The following DOCK9 variants were observed in gnomAD, a reference collection of about 807,000 sequenced individuals.
The protein encoded by DOCK9 is dedicator of cytokinesis 9, also known as dedicator of cytokinesis protein 9.
In DOCK9, 89 loss-of-function variants were observed where a neutral mutation model predicts 263.3. That is an observed-to-expected ratio of 0.34 (90% confidence interval 0.28 to 0.40). DOCK9 has a LOEUF of 0.40. DOCK9 is among the 10% of genes least tolerant of loss of function. The pLI is 1.00. For missense variants in DOCK9, 2,140 were observed against 2,603.4 expected, an observed-to-expected ratio of 0.82 and a Z score of 3.87; for synonymous variants, 976 against 973.1, an observed-to-expected ratio of 1.00 and a Z score of -0.06.
chr13:98,803,506 G>A (rs1420037493), intron 49 of DOCK9, among the ~76,000 whole-genome samples: 1 of 152,220 alleles, frequency 6.6e-6, no homozygotes, highest in African/African-American at 2.4e-5. Context: ...TGATCCAGCA[G>A]TTTCGGAGGT....
In DOCK9 at chr13:98,825,707, C is replaced by A. The variant is rs1196276045; in HGVS notation, c.5023+1123G>T. ...CAAAAATGGTGGCCAAGGTGCTTTCCTCTTGTGCCCACAGGAATAGACCAG... is the reference window on the plus strand; with the variant it reads ...CAAAAATGGTGGCCAAGGTGCTTTCATCTTGTGCCCACAGGAATAGACCAG... On this transcript the variant is annotated intron_variant, in intron 44 of 52. Coordinates refer to ENST00000682017, the MANE Select transcript of DOCK9 (RefSeq NM_001366683.2). The surrounding 1 kb of genome is among the most constrained non-coding windows in gnomAD (Gnocchi z 4.1). 2.1e-5 allele frequency among the ~76,000 whole-genome samples: 3 copies of A among 143,726 alleles called. No individual in the cohort carries two copies. The highest frequency in any genetic ancestry group is 4.7e-5 in the Non-Finnish European group (3 of 64,036). The allele number at this position is 143,726 out of a possible 152,430, so 94.3% of individuals were successfully genotyped here.
chr13:98,946,003 A>C (rs1233796312), intron 2 of DOCK9, among the ~76,000 whole-genome samples: 2 of 152,152 alleles, frequency 1.3e-5, no homozygotes, highest in African/African-American at 2.4e-5. Context: ...CCAGGTAAAG[A>C]ATTTCCAGGG....
chr13:99,040,750 G>T (rs1021724829), intron 1 of DOCK9, among the ~76,000 whole-genome samples: 1 of 152,100 alleles, frequency 6.6e-6, no homozygotes, highest in African/African-American at 2.4e-5. Flanking sequence ...AGGAGGGAGG[G>T]AGGACACAAA....
At chr13:99,058,236 C>A (rs1273808551) in intron 1 of DOCK9, among the ~76,000 whole-genome samples, 3 of 151,348 alleles carry the variant, frequency 2.0e-5, no homozygotes, top group Admixed American at 6.6e-5. Flanking sequence ...ACCATCTCAG[C>A]TCACTGCAAC....
At chr13:99,026,071 C>A (rs1886667801) in intron 1 of DOCK9, among the ~76,000 whole-genome samples, 1 of 42,012 alleles carries the variant, frequency 2.4e-5, no homozygotes. Context: ...AGCGAGACTC[C>A]GTCTCAAAAA....
intron 1 of DOCK9, among the ~76,000 whole-genome samples, chr13:99,012,070 C>A (rs1884582064): frequency 6.6e-6 from 1 of 152,182 alleles, no homozygotes; most frequent in South Asian, 2.1e-4. Context: ...CCCGCCTTAG[C>A]CTCCCAAAGT....
intron 1 of DOCK9, among the ~76,000 whole-genome samples, chr13:99,035,415 C>T (rs1362907870): frequency 6.6e-6 from 1 of 152,224 alleles, no homozygotes; most frequent in East Asian, 1.9e-4. Context: ...CTCTCTTGCA[C>T]TGAAGTGTGT....
intron 1 of DOCK9, among the ~76,000 whole-genome samples, chr13:99,023,139 AC>A (rs2142016326): frequency 6.6e-6 from 1 of 152,344 alleles, no homozygotes; most frequent in Non-Finnish European, 1.5e-5. Context: ...TGAAAGCAAG[AC>A]TTGAAGAGAG....
chr13:99,015,806 A>C (rs1337304507), intron 1 of DOCK9: 14 of 1,280,524 alleles, frequency 1.1e-5, no homozygotes, highest in Middle Eastern at 2.9e-4. Flanking sequence ...CCAGACTCCG[A>C]GTGTAAAACA....
chr13:99,068,859 G>T (rs1355961158), intron 1 of DOCK9, among the ~76,000 whole-genome samples: 1 of 152,128 alleles, frequency 6.6e-6, no homozygotes, highest in Non-Finnish European at 1.5e-5. Context: ...ATAGTTTACA[G>T]ATGAACCTAC....
chr13:98,803,889 G>A (rs2090392127), intron 49 of DOCK9, among the ~76,000 whole-genome samples: 1 of 150,884 alleles, frequency 6.6e-6, no homozygotes, highest in Non-Finnish European at 1.5e-5. Context: ...TAGGGAGTGT[G>A]AAAAGCTCCC....
chr13:98,828,704 C>T (rs1282397362), intron 43 of DOCK9, among the ~76,000 whole-genome samples: 1 of 152,174 alleles, frequency 6.6e-6, no homozygotes. Flanking sequence ...TTGTTTTCTT[C>T]AATTCCCCAT....
intron 1 of DOCK9, among the ~76,000 whole-genome samples, chr13:98,985,237 G>A (rs1217944810): frequency 6.6e-6 from 1 of 152,090 alleles, no homozygotes; most frequent in South Asian, 2.1e-4. Flanking sequence ...GTTTAGAGAA[G>A]GCTCTGTCTG....
chr13:98,823,894 C>T (rs1485980976), intron 45 of DOCK9, among the ~76,000 whole-genome samples: 2 of 152,144 alleles, frequency 1.3e-5, no homozygotes, highest in African/African-American at 4.8e-5. Flanking sequence ...CCTAAGGGCC[C>T]ATAGGACCTG....
intron 1 of DOCK9, among the ~76,000 whole-genome samples, chr13:99,000,412 A>C (rs1038798542): frequency 5.9e-5 from 9 of 152,212 alleles, no homozygotes; most frequent in African/African-American, 7.2e-5. Context: ...GCAAGGTGCT[A>C]GATTCCCAAA....
intron 1 of DOCK9, among the ~76,000 whole-genome samples, chr13:99,072,834 C>T (rs1337281203): frequency 6.6e-6 from 1 of 151,954 alleles, no homozygotes; most frequent in Non-Finnish European, 1.5e-5. Flanking sequence ...TCCATCTCTA[C>T]AAAAAATACA....
chr13:98,887,095 A>T (rs2045819024), intron 18 of DOCK9, among the ~76,000 whole-genome samples: 1 of 142,396 alleles, frequency 7.0e-6, no homozygotes, highest in Admixed American at 7.1e-5. Flanking sequence ...TTCCCACTTG[A>T]CTGAATTTCT....
chr13:98,907,137 G>A lies in DOCK9; in HGVS notation c.961-2431C>T, dbSNP rs563302173. Among the ~76,000 whole-genome samples, 63 of 152,292 alleles carry A rather than the reference G, an allele frequency of 4.1e-4. 1 individual carries two copies. Among genetic ancestry groups the A allele is most frequent in the African/African-American group, 1.5e-3 (61 of 41,550 alleles). The stretch of plus-strand genomic sequence containing the variant: ...TTTCACACCAAAAGAGTGAGAACAC[G>A]TGCAAGTGGAATCTATTTAACTGAA... On this transcript the variant is annotated intron_variant, in intron 9 of 52. Transcript: ENST00000682017.
At chr13:99,012,637 G>A (rs1170535703) in intron 1 of DOCK9, among the ~76,000 whole-genome samples, 3 of 152,270 alleles carry the variant, frequency 2.0e-5, no homozygotes, top group Middle Eastern at 3.4e-3. Flanking sequence ...CTTTGCATGG[G>A]GGTGACCCAA....
Sources: gnomAD v4.1 joint callset for allele counts (sites outside exome capture counted in the v4.1 genomes callset) on GRCh38, gnomAD v4.1.1 for gene constraint, Gnocchi (gnomAD v3.1) non-coding constraint, MANE v1.5 for transcripts, NCBI Gene and HGNC (gene_info 2026-07-23, HGNC 2026-07-21) for gene names.